Variants in RBFOX1 observed in about 807,000 individuals in gnomAD.
The protein encoded by RBFOX1 is RNA binding protein fox-1 homolog 1.
A neutral mutation model predicts 57.7 loss-of-function variants in RBFOX1; 8 were observed. The ratio of observed to expected loss-of-function variants is 0.14; its 90% CI spans 0.08 to 0.25. The LOEUF is 0.25. Among genes scored for constraint, RBFOX1 ranks in the 10% least tolerant of loss-of-function variants. The pLI, the probability that RBFOX1 is intolerant of heterozygous loss-of-function variation, is 1.00. For synonymous variants in RBFOX1, 326 were observed against 222.4 expected (o/e 1.47, Z -4.15); for missense variants, 611 against 548.5 (o/e 1.11, Z -1.14).
chr16:7,011,287 A>G (rs1007272861), intron 3 of RBFOX1, among the ~76,000 whole-genome samples: 34 of 152,206 alleles, frequency 2.2e-4, no homozygotes, highest in African/African-American at 8.0e-4. Context: ...TCTGAGGTCA[A>G]GATGCTATCA....
At chr16:6,163,628 C>G (rs1398262994) in intron 1 of RBFOX1, among the ~76,000 whole-genome samples, 1 of 152,080 alleles carries the variant, frequency 6.6e-6, no homozygotes, top group Non-Finnish European at 1.5e-5. Context: ...GTCTTAGCCT[C>G]AAGATAGCAG....
chr16:7,080,473 C>T (rs991301715), intron 4 of RBFOX1, among the ~76,000 whole-genome samples: 3 of 152,144 alleles, frequency 2.0e-5, no homozygotes, highest in African/African-American at 7.2e-5. Flanking sequence ...AACAGAGCCT[C>T]ATTCCTTAGG....
At chr16:5,328,199 A>G (rs1365636461) in intron 1 of RBFOX1, among the ~76,000 whole-genome samples, 1 of 152,132 alleles carries the variant, frequency 6.6e-6, no homozygotes, top group African/African-American at 2.4e-5. Flanking sequence ...ACTTACTTGG[A>G]GATGGAACTT....
chr16:7,542,060 G>A (rs191649519), intron 5 of RBFOX1, among the ~76,000 whole-genome samples: 8 of 152,268 alleles, frequency 5.3e-5, no homozygotes, highest in East Asian at 1.9e-4. Context: ...GGCAGCTTTC[G>A]TGGGGGTACC....
rs903978957 is a variant in RBFOX1, at chr16:7,712,915, C to T, written c.*2170C>T. The T allele has an allele frequency of 2.0e-5, 3 of 152,170 alleles. No individual in the cohort carries two copies. The highest frequency in any genetic ancestry group is 2.9e-5 in the Non-Finnish European group (2 of 68,040). The allele number at this position is 152,170 out of a possible 1,614,324, so 9.4% of individuals were successfully genotyped here. A position where few individuals can be genotyped will look rare whatever the true frequency, so the allele number is the denominator to read the frequency against. The stretch of plus-strand genomic sequence containing the variant: ...TGTTGGTTAAAGTAAAATTCATTTG[C>T]AGTTTTGATTTTCATCAATGAGCTG... On this transcript the variant is annotated 3_prime_UTR_variant, in exon 16 of 16. Transcript: ENST00000550418.
At chr16:5,993,300 G>C (rs2152321514) in intron 4 of RBFOX1, among the ~76,000 whole-genome samples, 1 of 151,850 alleles carries the variant, frequency 6.6e-6, no homozygotes, top group Admixed American at 6.6e-5. Flanking sequence ...AACCACAAGA[G>C]AGAATGTGCC....
intron 3 of RBFOX1, among the ~76,000 whole-genome samples, chr16:7,005,214 G>T (rs1344064111): frequency 6.6e-6 from 1 of 152,052 alleles, no homozygotes; most frequent in Non-Finnish European, 1.5e-5. Context: ...TTTGTGTGTG[G>T]GACATACAGT....
chr16:6,493,506 T>C (rs1417392283), intron 2 of RBFOX1, among the ~76,000 whole-genome samples: 1 of 152,188 alleles, frequency 6.6e-6, no homozygotes, highest in African/African-American at 2.4e-5. Context: ...TTTTTATTCA[T>C]CTGTGGGTCA....
chr16:6,227,167 T>G (rs1024044345), intron 1 of RBFOX1, among the ~76,000 whole-genome samples: 6 of 151,956 alleles, frequency 3.9e-5, no homozygotes, highest in Non-Finnish European at 7.4e-5. Flanking sequence ...TCATATATCT[T>G]TTTGTTGCAG....
intron 3 of RBFOX1, among the ~76,000 whole-genome samples, chr16:5,641,110 A>G (rs2048856512): frequency 6.7e-6 from 1 of 149,670 alleles, no homozygotes; most frequent in African/African-American, 2.5e-5. Context: ...ACACATGCAT[A>G]CACACACATG....
intron 4 of RBFOX1, among the ~76,000 whole-genome samples, chr16:7,224,691 G>A (rs2092979095): frequency 6.6e-6 from 1 of 152,164 alleles, no homozygotes; most frequent in South Asian, 2.1e-4. Context: ...TGATATTTGG[G>A]GAGAGCAATG....
chr16:5,333,769 T>G (rs2064825132), intron 1 of RBFOX1, among the ~76,000 whole-genome samples: 1 of 152,260 alleles, frequency 6.6e-6, no homozygotes, highest in South Asian at 2.1e-4. Flanking sequence ...ACTCCTAGGC[T>G]GCAAACCTCT....
At chr16:5,650,487 C>A (rs1200934294) in intron 3 of RBFOX1, among the ~76,000 whole-genome samples, 1 of 152,152 alleles carries the variant, frequency 6.6e-6, no homozygotes, top group Non-Finnish European at 1.5e-5. Context: ...TGGCTTCCTG[C>A]TATTAAACGG....
intron 3 of RBFOX1, among the ~76,000 whole-genome samples, chr16:5,821,519 T>TG (rs1354876025): frequency 2.0e-5 from 3 of 152,232 alleles, no homozygotes; most frequent in Admixed American, 1.3e-4. Flanking sequence ...TTCAGGCTTG[T>TG]GTCCAGCTCC....
chr16:6,217,884 G>A (rs750756024), intron 1 of RBFOX1, among the ~76,000 whole-genome samples: 5 of 152,102 alleles, frequency 3.3e-5, no homozygotes, highest in African/African-American at 7.2e-5. Flanking sequence ...GTATGGTGGC[G>A]CATGATTGTT....
chr16:5,835,107 T>G (rs2056417061), intron 3 of RBFOX1, among the ~76,000 whole-genome samples: 1 of 152,084 alleles, frequency 6.6e-6, no homozygotes, highest in Non-Finnish European at 1.5e-5. Flanking sequence ...GACACATCTG[T>G]GTCATTATAT....
chr16:6,791,284 T>G (rs190427865), intron 3 of RBFOX1, among the ~76,000 whole-genome samples: 10 of 152,314 alleles, frequency 6.6e-5, no homozygotes, highest in Non-Finnish European at 1.2e-4. Context: ...GCATGGAAAT[T>G]GCTTTTCTTT....
intron 2 of RBFOX1, among the ~76,000 whole-genome samples, chr16:6,388,417 G>C (rs1353911469): frequency 6.6e-6 from 1 of 151,902 alleles, no homozygotes; most frequent in Non-Finnish European, 1.5e-5. Flanking sequence ...GAAGACCAAG[G>C]TTCAATGGCA....
rs1597629751 is a variant in RBFOX1, at chr16:5,884,049, A to G, written c.351+16714A>G. Among the ~76,000 whole-genome samples the G allele has an allele frequency of 2.0e-5, 3 of 152,178 alleles. No individual in the cohort carries two copies. The South Asian group carries it at 6.2e-4, about 32-fold the overall frequency. On this transcript the variant is annotated intron_variant, in intron 4 of 19. Transcript: ENST00000641259. ...TAGTGTACCACTTCTCAACATTTCA[A>G]CTTCTCATCTGAAAGATGGGGATAA...
Sources: allele counts gnomAD v4.1 joint callset (sites outside exome capture counted in the v4.1 genomes callset), GRCh38; gene constraint gnomAD v4.1.1; transcripts MANE v1.5; gene names NCBI Gene and HGNC (gene_info 2026-07-23, HGNC 2026-07-21).